ZNF385B: variants seen among roughly 807,000 people sequenced by gnomAD.
ZNF385B encodes zinc finger protein 533.
A neutral mutation model predicts 39.2 loss-of-function variants in ZNF385B; 23 were observed. That is an observed-to-expected ratio of 0.59 (90% CI 0.42 to 0.83). The LOEUF (loss-of-function observed/expected upper bound fraction) is 0.83. Ranked by LOEUF, ZNF385B falls within the 40% of genes least tolerant of loss-of-function variation. The probability of loss-of-function intolerance (pLI) is 0.00; values close to 1 mark genes in which losing one functional copy is unlikely to be tolerated. For missense variants in ZNF385B, 552 were observed against 598.9 expected, an observed-to-expected ratio of 0.92 and a Z score of 0.82; for synonymous variants, 205 against 222.6, an observed-to-expected ratio of 0.92 and a Z score of 0.70.
At chr2:179,701,641 T>C (rs1699209719) in intron 3 of ZNF385B, among the ~76,000 whole-genome samples, 1 of 152,234 alleles carries the variant, frequency 6.6e-6, no homozygotes, top group Admixed American at 6.5e-5. Flanking sequence ...TTTTATTTCA[T>C]CATTTTTTAA....
chr2:179,843,077 A>G (rs1224481882), intron 1 of ZNF385B, among the ~76,000 whole-genome samples: 1 of 152,056 alleles, frequency 6.6e-6, no homozygotes, highest in Non-Finnish European at 1.5e-5. Flanking sequence ...AACCTTAGAA[A>G]ATCAATCTCT....
chr2:179,603,122 A>G (rs1688536382), intron 3 of ZNF385B, among the ~76,000 whole-genome samples: 1 of 152,216 alleles, frequency 6.6e-6, no homozygotes, highest in Non-Finnish European at 1.5e-5. Flanking sequence ...GACAGAAAAG[A>G]GGAGGAACAC....
intron 6 of ZNF385B, among the ~76,000 whole-genome samples, chr2:179,477,912 C>T (rs1055408124): frequency 6.6e-6 from 1 of 152,168 alleles, no homozygotes; most frequent in Non-Finnish European, 1.5e-5. Flanking sequence ...ACTGCCACAG[C>T]TTATACCAAA....
At chr2:179,608,312 GGT>G (rs142711804) in intron 3 of ZNF385B, among the ~76,000 whole-genome samples, 9,716 of 152,176 alleles carry the variant, frequency 0.064, 399 homozygotes, top group Non-Finnish European at 0.088. Flanking sequence ...GAATAGAAGG[GGT>G]GCAGAAACCA....
intron 5 of ZNF385B, among the ~76,000 whole-genome samples, chr2:179,492,907 T>A (rs1483800778): frequency 6.6e-6 from 1 of 152,096 alleles, no homozygotes; most frequent in Non-Finnish European, 1.5e-5. Context: ...GTTTCTGTAG[T>A]AAAGTGCCAG....
chr2:179,672,327 G>A (rs948350923), intron 3 of ZNF385B, among the ~76,000 whole-genome samples: 3 of 152,130 alleles, frequency 2.0e-5, no homozygotes, highest in Admixed American at 2.0e-4. Flanking sequence ...CAGCTGAAGG[G>A]GAATTTGCCT....
chr2:179,584,043 C>G (rs1008471420), intron 3 of ZNF385B: 1 of 868,266 alleles, frequency 1.2e-6, no homozygotes, highest in South Asian at 1.4e-5. Context: ...GACATAGTCC[C>G]TGTTTTCCAA....
intron 1 of ZNF385B, among the ~76,000 whole-genome samples, chr2:179,851,908 AC>A (rs1684195175): frequency 1.3e-5 from 2 of 152,346 alleles, no homozygotes; most frequent in Admixed American, 1.3e-4. Context: ...AGATCAGACT[AC>A]CTTTGACCCA....
intron 4 of ZNF385B, among the ~76,000 whole-genome samples, chr2:179,527,541 G>C (rs2058988064): frequency 6.7e-6 from 1 of 148,996 alleles, no homozygotes; most frequent in East Asian, 2.0e-4. Flanking sequence ...TTTTTTTTTG[G>C]AGAAATTTCA....
chr2:179,487,435 G>A (rs1006558438), intron 5 of ZNF385B, among the ~76,000 whole-genome samples: 1 of 152,224 alleles, frequency 6.6e-6, no homozygotes, highest in African/African-American at 2.4e-5. Flanking sequence ...CCCTAGTACT[G>A]TGTCTGAGGC....
chr2:179,501,317 AG>A (rs1454138796), intron 5 of ZNF385B, among the ~76,000 whole-genome samples: 1 of 152,210 alleles, frequency 6.6e-6, no homozygotes, highest in Non-Finnish European at 1.5e-5. Context: ...TCTTTACAAT[AG>A]CTACGATTTG....
chr2:179,859,828 A>C (rs1197506701), intron 1 of ZNF385B, among the ~76,000 whole-genome samples: 3 of 152,226 alleles, frequency 2.0e-5, no homozygotes, highest in Non-Finnish European at 4.4e-5. Context: ...GGGAAGGGGC[A>C]GCACATACTC....
intron 5 of ZNF385B, among the ~76,000 whole-genome samples, chr2:179,495,125 G>A (rs2056066086): frequency 6.6e-6 from 1 of 152,060 alleles, no homozygotes; most frequent in African/African-American, 2.4e-5. Flanking sequence ...TGCCAGAAGG[G>A]GAGCCCACTG....
At chr2:179,481,132 T>C (rs2053943426) in intron 6 of ZNF385B, 1 of 152,210 alleles carries the variant, frequency 6.6e-6, no homozygotes, top group Non-Finnish European at 1.5e-5. Context: ...ACTGGTATGC[T>C]TTATCCTGGT....
intron 6 of ZNF385B, among the ~76,000 whole-genome samples, chr2:179,481,594 A>G (rs1281266963): frequency 1.3e-5 from 2 of 152,192 alleles, no homozygotes; most frequent in Admixed American, 1.3e-4. Flanking sequence ...GAGTTCACTC[A>G]GTAGCAACGT....
At chr2:179,600,735 C>T (rs2106102216) in intron 3 of ZNF385B, among the ~76,000 whole-genome samples, 1 of 152,238 alleles carries the variant, frequency 6.6e-6, no homozygotes, top group East Asian at 1.9e-4. Context: ...TTGTATGATT[C>T]CATTTGTCAG....
At chr2:179,786,364 T>G (rs958690320) in intron 1 of ZNF385B, among the ~76,000 whole-genome samples, 1 of 152,178 alleles carries the variant, frequency 6.6e-6, no homozygotes, top group Non-Finnish European at 1.5e-5. Context: ...AATTATATAT[T>G]TACAAAAATC....
intron 3 of ZNF385B, among the ~76,000 whole-genome samples, chr2:179,721,381 A>G (rs1176946461): frequency 1.3e-5 from 2 of 152,156 alleles, no homozygotes; most frequent in Non-Finnish European, 1.5e-5. Flanking sequence ...ATTGGTTATA[A>G]AGGTGAGTTT....
intron 3 of ZNF385B, among the ~76,000 whole-genome samples, chr2:179,729,401 C>A (rs13405414): frequency 0.85 from 128,938 of 152,136 alleles, 54,967 homozygotes; most frequent in East Asian, 0.97. Flanking sequence ...TGGTGTTAGA[C>A]AAACAGAATT....
Sources: gnomAD v4.1 joint callset for allele counts (sites outside exome capture counted in the v4.1 genomes callset) on GRCh38, gnomAD v4.1.1 for gene constraint, MANE v1.5 for transcripts, NCBI Gene and HGNC (gene_info 2026-07-23, HGNC 2026-07-21) for gene names.